ZNF385D: variants seen among roughly 807,000 people sequenced by gnomAD.
The protein encoded by ZNF385D is zinc finger protein 385D.
Under a neutral mutation model 35.8 loss-of-function variants are expected in ZNF385D, and 15 were observed. That is an observed-to-expected ratio of 0.42 (90% CI 0.28 to 0.64). The LOEUF is 0.64. Among genes scored for constraint, ZNF385D ranks in the 30% least tolerant of loss-of-function variants. ZNF385D has a pLI of 0.23. For missense variants in ZNF385D, 474 were observed against 494.6 expected (o/e 0.96, Z 0.39); for synonymous variants, 212 against 186.8 (o/e 1.13, Z -1.10).
chr3:21,939,261 G>A (rs1431878167), intron 3 of ZNF385D, among the ~76,000 whole-genome samples: 3 of 152,152 alleles, frequency 2.0e-5, no homozygotes, highest in East Asian at 3.9e-4. Context: ...TCTAAATCAG[G>A]GGTTTAATAT....
intron 2 of ZNF385D, among the ~76,000 whole-genome samples, chr3:22,220,661 A>G (rs1215672181): frequency 6.6e-6 from 1 of 152,162 alleles, no homozygotes; most frequent in East Asian, 1.9e-4. Context: ...ACATGTGCCA[A>G]ACACTTCTGT....
chr3:22,081,345 A>G (rs1700741214), intron 3 of ZNF385D, among the ~76,000 whole-genome samples: 1 of 152,198 alleles, frequency 6.6e-6, no homozygotes. Flanking sequence ...TAGTAGCTCC[A>G]TTCTTTTAAG....
intron 3 of ZNF385D, among the ~76,000 whole-genome samples, chr3:21,865,894 C>T (rs1414292613): frequency 1.3e-5 from 2 of 151,876 alleles, no homozygotes; most frequent in African/African-American, 4.8e-5. Context: ...ATCACTTATC[C>T]TGTTTGGGTT....
intron 1 of ZNF385D, among the ~76,000 whole-genome samples, chr3:21,739,758 G>A (rs2069421674): frequency 6.6e-6 from 1 of 152,096 alleles, no homozygotes; most frequent in African/African-American, 2.4e-5. Flanking sequence ...TTGATCTTTG[G>A]GGTATTTCTT....
chr3:21,958,652 C>T (rs9873106), intron 3 of ZNF385D, among the ~76,000 whole-genome samples: 103,930 of 152,010 alleles, frequency 0.68, 36,693 homozygotes, highest in Non-Finnish European at 0.77. Context: ...TAGATTCTAT[C>T]GCCAAATTCT....
chr3:21,897,522 A>G (rs1699198445), intron 3 of ZNF385D, among the ~76,000 whole-genome samples: 1 of 151,916 alleles, frequency 6.6e-6, no homozygotes. Context: ...ATTTCTCCTT[A>G]CTATTTTATA....
chr3:22,185,278 G>T (rs1196619470), intron 2 of ZNF385D, among the ~76,000 whole-genome samples: 1 of 152,136 alleles, frequency 6.6e-6, no homozygotes. Context: ...TGGCATAATA[G>T]GCAAATGTTT....
chr3:21,781,626 G>C (rs995111544), intron 3 of ZNF385D, among the ~76,000 whole-genome samples: 2 of 151,916 alleles, frequency 1.3e-5, no homozygotes, highest in African/African-American at 2.4e-5. Flanking sequence ...TATAAAATCA[G>C]GCCAAAGAAT....
chr3:22,149,749 G>T (rs1276430347), intron 3 of ZNF385D, among the ~76,000 whole-genome samples: 1 of 152,142 alleles, frequency 6.6e-6, no homozygotes, highest in Non-Finnish European at 1.5e-5. Context: ...AGTTGTTGCT[G>T]ATTTTCTCCC....
chr3:21,927,404 A>T (rs886360266), intron 3 of ZNF385D, among the ~76,000 whole-genome samples: 3 of 152,194 alleles, frequency 2.0e-5, no homozygotes, highest in Admixed American at 2.0e-4. Flanking sequence ...TCACATAAAA[A>T]TCTGTGTGCA....
chr3:22,371,651 A>C (rs1479841469), intron 2 of ZNF385D, among the ~76,000 whole-genome samples: 1 of 152,168 alleles, frequency 6.6e-6, no homozygotes, highest in African/African-American at 2.4e-5. Context: ...ATTCATACAC[A>C]CAATAAAACA....
intron 3 of ZNF385D, among the ~76,000 whole-genome samples, chr3:21,811,650 T>C (rs2072926051): frequency 6.6e-6 from 1 of 152,214 alleles, no homozygotes; most frequent in African/African-American, 2.4e-5. Context: ...ATTTATCCTA[T>C]ACTGTATAAA....
rs34565673 is a variant in ZNF385D at position 21,630,205 on chromosome 3, CT to C, written c.165+34680del. On this transcript the variant is annotated intron_variant, in intron 2 of 7. Coordinates refer to ENST00000281523, the MANE Select transcript of ZNF385D (RefSeq NM_024697.3). ...CAAACCTACCACCTTTCTTTTCTTT[CT>C]TTTTTTTTTTTTTGAGACGGAGTTT... 8.4e-3 allele frequency among the ~76,000 whole-genome samples: 1,187 copies of C among 140,898 alleles called. 11 individuals are homozygous for C. The highest frequency in any genetic ancestry group is 0.024 in the African/African-American group (926 of 38,728). 92.4% of individuals were successfully genotyped at this position (140,898 alleles called of 152,430 possible).
chr3:22,174,153 A>G (rs1209785267), intron 2 of ZNF385D, among the ~76,000 whole-genome samples: 2 of 152,184 alleles, frequency 1.3e-5, no homozygotes, highest in Non-Finnish European at 2.9e-5. Flanking sequence ...TTAATATAAA[A>G]TGAAAGTATG....
At chr3:21,597,083 T>C (rs2064147628) in intron 2 of ZNF385D, among the ~76,000 whole-genome samples, 1 of 152,164 alleles carries the variant, frequency 6.6e-6, no homozygotes, top group Admixed American at 6.5e-5. Context: ...AAAAAAATAC[T>C]GACCACTGAC....
chr3:21,511,853 T>G (rs1344466447), intron 3 of ZNF385D: 1 of 450,870 alleles, frequency 2.2e-6, no homozygotes. Flanking sequence ...AGCGGTATAG[T>G]GAAATACATT....
At chr3:22,040,179 T>G (rs550383648) in intron 3 of ZNF385D, among the ~76,000 whole-genome samples, 35 of 152,122 alleles carry the variant, frequency 2.3e-4, no homozygotes, top group Non-Finnish European at 2.9e-4. Flanking sequence ...ATGATTTTCC[T>G]TACACATAGC....
chr3:21,763,095 A>AAT (rs1353341565), intron 3 of ZNF385D, among the ~76,000 whole-genome samples: 25 of 152,152 alleles, frequency 1.6e-4, no homozygotes, highest in Non-Finnish European at 3.4e-4. Context: ...CAAAGACAAG[A>AAT]ATATGGTAAC....
At chr3:21,634,957 A>C (rs1477780325) in intron 2 of ZNF385D, among the ~76,000 whole-genome samples, 2 of 152,136 alleles carry the variant, frequency 1.3e-5, no homozygotes, top group Non-Finnish European at 2.9e-5. Context: ...AACTTGTGTC[A>C]TAATTTTAAT....
Sources: gnomAD v4.1 joint callset for allele counts (sites outside exome capture counted in the v4.1 genomes callset) on GRCh38, gnomAD v4.1.1 for gene constraint, MANE v1.5 for transcripts, NCBI Gene and HGNC (gene_info 2026-07-23, HGNC 2026-07-21) for gene names.